ATP10B: variants seen among roughly 807,000 people sequenced by gnomAD.
ATP10B encodes phospholipid-transporting ATPase VB.
A neutral mutation model predicts 141.2 loss-of-function variants in ATP10B; 122 were observed. The ratio of observed to expected loss-of-function variants is 0.86; its 90% CI spans 0.75 to 1.00. The LOEUF (loss-of-function observed/expected upper bound fraction) is 1.00. Among genes scored for constraint, ATP10B ranks in the 50% least tolerant of loss-of-function variants. The probability of loss-of-function intolerance (pLI) is 0.00; values close to 1 mark genes in which losing one functional copy is unlikely to be tolerated. For synonymous variants in ATP10B, 685 were observed against 692.0 expected (o/e 0.99, Z 0.16); for missense variants, 1,876 against 1,825.3 (o/e 1.03, Z -0.51).
chr5:160,718,248 C>T (rs1765774493), intron 2 of ATP10B, among the ~76,000 whole-genome samples: 1 of 152,112 alleles, frequency 6.6e-6, no homozygotes, highest in African/African-American at 2.4e-5. Context: ...GTTTTGGGTA[C>T]ATACCAGAAA....
chr5:160,822,989 C>CATATATATATATAT (rs773879988), intron 1 of ATP10B, among the ~76,000 whole-genome samples: 17 of 69,704 alleles, frequency 2.4e-4, no homozygotes, highest in South Asian at 4.5e-4. Flanking sequence ...ATTACATATA[C>CATATATATATATAT]ATATATATAT....
the ATP10B span, among the ~76,000 whole-genome samples, chr5:160,889,292 C>T: frequency 5.3e-5 from 8 of 152,158 alleles, no homozygotes; most frequent in Non-Finnish European, 8.8e-5. Flanking sequence ...CAGTCTGAAT[C>T]GGGTGGCTAG....
chr5:160,634,398 C>T lies in ATP10B; in HGVS notation c.1337G>A (p.Arg446Gln), dbSNP rs773040394. 42 of 1,614,114 alleles carry T rather than the reference C, an allele frequency of 2.6e-5. 1 individual carries two copies. The highest frequency in any genetic ancestry group is 8.8e-5 in the South Asian group (8 of 91,062). ...CTCGCTGCCCATGATGGTGCAACGTCGGAACACCATCTTGTTCTCTGTCAG... is the reference window on the plus strand; with the variant it reads ...CTCGCTGCCCATGATGGTGCAACGTTGGAACACCATCTTGTTCTCTGTCAG... ...GTLTENKMVFRRCTIMGSEYS... is the reference protein window; with the variant it reads ...GTLTENKMVFQRCTIMGSEYS... Residue 446 changes from arginine to glutamine, a missense_variant, in exon 12 of 26, where the codon CGA becomes CAA. Physicochemically the swap from Arg to Gln is conservative, Grantham distance 43 (BLOSUM62 1). Coordinates refer to ENST00000327245, the MANE Select transcript of ATP10B (RefSeq NM_025153.3).
chr5:160,644,181 G>A lies in ATP10B; in HGVS notation c.825C>T (p.Thr275=). Residue 275 remains threonine, a synonymous_variant, in exon 9 of 26, where the codon ACC becomes ACT. Transcript: ENST00000327245. The part of the protein sequence containing the change: ...GCESLLLRGC[T]IRNTEMAVGI... ...CAACAGCCATCTCGGTGTTTCTGAT[G>A]GTGCAGCCTCGAAGCAGAAGACTCT... is the stretch of plus-strand genomic sequence containing the variant. The A allele has an allele frequency of 6.2e-7, 1 of 1,613,884 alleles. No homozygotes were observed. Among genetic ancestry groups the A allele is most frequent in the Non-Finnish European group, 8.5e-7 (1 of 1,179,930 alleles).
At chr5:160,790,198 T>A (rs1209978166) in intron 1 of ATP10B, among the ~76,000 whole-genome samples, 1 of 152,158 alleles carries the variant, frequency 6.6e-6, no homozygotes, top group Non-Finnish European at 1.5e-5. Context: ...GTTTTATCTT[T>A]TCTCTTCTCT....
chr5:160,568,458 A>C lies in ATP10B; in HGVS notation c.3938+1038T>G, dbSNP rs529840530. Among the ~76,000 whole-genome samples, 3 of 152,282 alleles carry C rather than the reference A, an allele frequency of 2.0e-5. No homozygotes were observed. The South Asian group carries it at 6.2e-4, about 32-fold the overall frequency. ...GATAAAAAGTTTTGTATAATTGTCT[A>C]TTTGCTATCGCTTAAAATGATAAAA... is the stretch of plus-strand genomic sequence containing the variant. On this transcript the variant is annotated intron_variant, in intron 25 of 25. Transcript: ENST00000327245.
chr5:160,904,173 T>A, the ATP10B span, among the ~76,000 whole-genome samples: 1 of 152,286 alleles, frequency 6.6e-6, no homozygotes, highest in East Asian at 1.9e-4. Flanking sequence ...GGTTTCCTGC[T>A]TTTTAAAGGG....
At chr5:160,822,604 G>A (rs1581601553) in intron 1 of ATP10B, among the ~76,000 whole-genome samples, 1 of 152,078 alleles carries the variant, frequency 6.6e-6, no homozygotes, top group East Asian at 1.9e-4. Flanking sequence ...AGATTGGGAA[G>A]CCACCTAAGT....
chr5:160,671,777 A>G (rs1398145841), intron 6 of ATP10B, among the ~76,000 whole-genome samples: 2 of 152,014 alleles, frequency 1.3e-5, no homozygotes, highest in Admixed American at 6.6e-5. Flanking sequence ...TATCATACCC[A>G]TTTCACAAGT....
chr5:160,623,591 C>A (rs1211117894), intron 13 of ATP10B, among the ~76,000 whole-genome samples: 3 of 152,044 alleles, frequency 2.0e-5, no homozygotes. Context: ...GGATCTGACC[C>A]ATGGATTTCC....
chr5:160,675,080 G>T (rs1762939646), intron 6 of ATP10B, among the ~76,000 whole-genome samples: 1 of 152,170 alleles, frequency 6.6e-6, no homozygotes, highest in African/African-American at 2.4e-5. Context: ...ATACAGAAAA[G>T]CAGCATGCTC....
intron 7 of ATP10B, among the ~76,000 whole-genome samples, chr5:160,650,622 C>T (rs1220403247): frequency 6.6e-6 from 1 of 152,214 alleles, no homozygotes; most frequent in African/African-American, 2.4e-5. Context: ...CACCTAGACT[C>T]ATTTAGATTA....
intron 2 of ATP10B, among the ~76,000 whole-genome samples, chr5:160,771,805 T>G (rs139763401): frequency 3.3e-5 from 5 of 152,332 alleles, no homozygotes; most frequent in African/African-American, 1.2e-4. Flanking sequence ...GTAGGAAGGA[T>G]TCTAAGATGG....
At chr5:160,601,100 T>C (rs1757077763) in intron 21 of ATP10B, among the ~76,000 whole-genome samples, 1 of 152,220 alleles carries the variant, frequency 6.6e-6, no homozygotes, top group Non-Finnish European at 1.5e-5. Context: ...ATAAACAGTC[T>C]TTCACTCTCA....
chr5:160,674,934 TGG>T (rs1762930289), intron 6 of ATP10B, among the ~76,000 whole-genome samples: 1 of 152,216 alleles, frequency 6.6e-6, no homozygotes, highest in Admixed American at 6.5e-5. Flanking sequence ...CTTCTTGCCC[TGG>T]GCCACTTTAT....
rs1250494752 is a variant in ATP10B, at chr5:160,565,288, G to T, written c.*165C>A. ...GAGGCCGACTGGGTTTCCCGTCTTT[G>T]TGTCAGACCCCTTGGGGCCAGCACT... On this transcript the variant is annotated 3_prime_UTR_variant, in exon 26 of 26. Coordinates refer to ENST00000327245, the MANE Select transcript of ATP10B (RefSeq NM_025153.3). The T allele has an allele frequency of 1.6e-5, 11 of 690,688 alleles. No individual in the cohort carries two copies. The highest frequency in any genetic ancestry group is 3.6e-5 in the African/African-American group (2 of 55,574). The allele number at this position is 690,688 out of a possible 1,614,324, so 42.8% of individuals were successfully genotyped here.
the ATP10B span, among the ~76,000 whole-genome samples, chr5:160,899,955 A>AT: frequency 3.3e-5 from 5 of 152,290 alleles, no homozygotes; most frequent in African/African-American, 9.6e-5. Flanking sequence ...GAGGCAAGGA[A>AT]TCCCCCATCA....
the ATP10B span, among the ~76,000 whole-genome samples, chr5:160,912,253 G>A: frequency 1.3e-5 from 2 of 151,972 alleles, no homozygotes; most frequent in Admixed American, 6.6e-5. Flanking sequence ...AGACATTGAG[G>A]TGAAAATGAT....
chr5:160,809,864 T>G (rs1773030494), intron 1 of ATP10B, among the ~76,000 whole-genome samples: 1 of 152,210 alleles, frequency 6.6e-6, no homozygotes, highest in Non-Finnish European at 1.5e-5. Flanking sequence ...TCATTCTATT[T>G]TCTTTAATGG....
Sources: allele counts gnomAD v4.1 joint callset (sites outside exome capture counted in the v4.1 genomes callset), GRCh38; gene constraint gnomAD v4.1.1; transcripts MANE v1.5; gene names NCBI Gene and HGNC (gene_info 2026-07-23, HGNC 2026-07-21).